Variants in AKTIP observed in about 807,000 individuals in gnomAD.
The protein encoded by AKTIP is AKT-interacting protein.
Under a neutral mutation model 39.1 loss-of-function variants are expected in AKTIP, and 16 were observed. The ratio of observed to expected loss-of-function variants is 0.41; its 90% CI spans 0.28 to 0.62. The LOEUF is 0.62. Ranked by LOEUF, AKTIP falls within the 20% of genes least tolerant of loss-of-function variation. The pLI, the probability that AKTIP is intolerant of heterozygous loss-of-function variation, is 0.32. For missense variants in AKTIP, 262 were observed against 356.6 expected, an observed-to-expected ratio of 0.73 and a Z score of 2.14; for synonymous variants, 93 against 124.3, an observed-to-expected ratio of 0.75 and a Z score of 1.67.
rs1427297777 is a variant in AKTIP at position 53,501,036 on chromosome 16, C to A, written c.-70-707G>T. The A allele has an allele frequency of 3.3e-5, 5 of 152,326 alleles. No individual in the cohort carries two copies. In the East Asian group the frequency reaches 9.7e-4, roughly 29 times the overall value. The allele number at this position is 152,326 out of a possible 1,614,324, so 9.4% of individuals were successfully genotyped here. A position where few individuals can be genotyped will look rare whatever the true frequency, so the allele number is the denominator to read the frequency against. On this transcript the variant is annotated intron_variant, in intron 1 of 9. Transcript: ENST00000394657. ...GTACCCACATACACATAAGTTGTAT[C>A]ACTGTTCCCAGGGTTATGGGAACAA... is the stretch of plus-strand genomic sequence containing the variant.
intron 8 of AKTIP, chr16:53,493,483 T>C (rs1961625374): frequency 6.5e-6 from 1 of 153,064 alleles, no homozygotes; most frequent in Admixed American, 6.5e-5. Flanking sequence ...ATTTTTGTAT[T>C]TTTAGTAGAG....
At chr16:53,497,095 C>T (rs918143763) in intron 3 of AKTIP, among the ~76,000 whole-genome samples, 1 of 152,102 alleles carries the variant, frequency 6.6e-6, no homozygotes, top group Non-Finnish European at 1.5e-5. Context: ...CTGTGCCTGG[C>T]TCAAGGATGC....
At position 53,494,134 on chromosome 16, in the gene AKTIP, T is replaced by G. The variant is rs1171961894; in HGVS notation, c.710+4A>C. The G allele has an allele frequency of 5.0e-6, 8 of 1,606,530 alleles. No individual in the cohort carries two copies. Among genetic ancestry groups the G allele is most frequent in the Non-Finnish European group, 6.8e-6 (8 of 1,173,156 alleles). On this transcript the variant is annotated splice_donor_region_variant and intron_variant, in intron 8 of 9. Transcript: ENST00000394657. ...ACAGTTCACTTGGGGGATGCACCAC[T>G]TACCTAATTGCATAGGGGTCTTCTA...
intron 8 of AKTIP, 87 bp from the exon 9 acceptor site, chr16:53,492,840 CTAACT>C: frequency 2.7e-6 from 3 of 1,119,790 alleles, no homozygotes; most frequent in East Asian, 2.4e-5. Flanking sequence ...GCCAATTCCC[CTAACT>C]TAATAAAGCA....
chr16:53,502,204 C>G (rs1041080819), intron 1 of AKTIP, among the ~76,000 whole-genome samples: 5 of 152,212 alleles, frequency 3.3e-5, no homozygotes, highest in Non-Finnish European at 5.9e-5. Flanking sequence ...TGCTATGGAT[C>G]TTTTAATCCA....
chr16:53,498,260 G>T, intron 3 of AKTIP, 131 bp downstream of exon 3: 1 of 923,020 alleles, frequency 1.1e-6, no homozygotes, highest in Non-Finnish European at 1.7e-6. Context: ...TATTAAGTCT[G>T]ATACTGGAAA....
intron 1 of AKTIP, among the ~76,000 whole-genome samples, chr16:53,502,393 C>G (rs1442983546): frequency 6.6e-6 from 1 of 152,166 alleles, no homozygotes; most frequent in Non-Finnish European, 1.5e-5. Flanking sequence ...GGCTGCATTC[C>G]TTTACATCAC....
chr16:53,494,983 C>G (rs1961739921), intron 5 of AKTIP, 90 bp downstream of exon 5: 1 of 1,166,254 alleles, frequency 8.6e-7, no homozygotes, highest in African/African-American at 1.5e-5. Flanking sequence ...CATAAAGGTA[C>G]CAGGTCAGGA....
At position 53,492,483 on chromosome 16, in the gene AKTIP, C is replaced by T. The variant is rs758363858; in HGVS notation, c.808G>A (p.Ala270Thr). Residue 270 changes from alanine to threonine, a missense_variant, in exon 10 of 10, where the codon GCT becomes ACT. By Grantham distance (58) the Ala-to-Thr change is moderately conservative (BLOSUM62 0). Transcript: ENST00000394657. ...EEQHNKSVHV[A>T]GLSWVKPGSV... ...CCAGGCTTTACCCATGACAGGCCAG[C>T]AACATGAACACTTTTATTGTGCTGT... 1 of 1,613,976 alleles carries T rather than the reference C, an allele frequency of 6.2e-7. No homozygotes were observed. Among genetic ancestry groups the T allele is most frequent in the Non-Finnish European group, 8.5e-7 (1 of 1,180,034 alleles).
At chr16:53,492,881 G>T in intron 8 of AKTIP, 128 bp from the exon 9 acceptor site, 1 of 744,792 alleles carries the variant, frequency 1.3e-6, no homozygotes. Flanking sequence ...TTGTCGACAT[G>T]TATGTTTTAG....
chr16:53,498,384 G>A lies in AKTIP; in HGVS notation c.248+7C>T. 1 of 1,613,434 alleles carries A rather than the reference G, an allele frequency of 6.2e-7. No homozygotes were observed. Among genetic ancestry groups the A allele is most frequent in the Non-Finnish European group, 8.5e-7 (1 of 1,179,404 alleles). ...TAATTTAACCAAATAGTTTGTTAAG[G>A]ACTTACAATTCTGCAAGAAGAGAGT... On this transcript the variant is annotated splice_region_variant and intron_variant, in intron 3 of 9. Transcript: ENST00000394657.
chr16:53,494,809 C>A, intron 5 of AKTIP: 1 of 700,780 alleles, frequency 1.4e-6, no homozygotes. Context: ...ACTCCCTCTC[C>A]TCCACTAGAG....
In AKTIP at chr16:53,494,385, A is replaced by C; in HGVS notation, c.556T>G (p.Tyr186Asp). ...AGGGGGCTTGCTGTATCAATCTTGT[A>C]GAAAACTCTCCTTGCATACATTAAT... ...QVLMYARRVF[Y>D]KIDTASPLNP... Residue 186 changes from tyrosine to aspartate, a missense_variant, in exon 7 of 10, where the codon TAC becomes GAC. Tyr to Asp is a radical substitution (Grantham distance 160). Transcript: ENST00000394657. The C allele has an allele frequency of 6.2e-7, 1 of 1,614,244 alleles. No individual in the cohort carries two copies. Among genetic ancestry groups the C allele is most frequent in the Non-Finnish European group, 8.5e-7 (1 of 1,180,048 alleles).
chr16:53,503,527 G>A (rs1331279907), upstream of AKTIP, among the ~76,000 whole-genome samples: 1 of 152,246 alleles, frequency 6.6e-6, no homozygotes, highest in Non-Finnish European at 1.5e-5. Context: ...CCCGGGGAGG[G>A]ATGGGGCAGA....
intron 3 of AKTIP, among the ~76,000 whole-genome samples, chr16:53,496,550 G>T (rs1961851083): frequency 6.7e-6 from 1 of 148,180 alleles, no homozygotes; most frequent in African/African-American, 2.5e-5. Flanking sequence ...GGTCTCATAG[G>T]CTGTCTGCGA....
intron 3 of AKTIP, among the ~76,000 whole-genome samples, chr16:53,496,499 C>CTTTTTTTTTT (rs576422100): frequency 1.3e-5 from 1 of 79,026 alleles, no homozygotes. Context: ...GTCAAGGATG[C>CTTTTTTTTTT]TTTTTTTTTT....
At position 53,495,091 on chromosome 16, in the gene AKTIP, A is replaced by G; in HGVS notation, c.396T>C (p.Tyr132=). The G allele has an allele frequency of 1.2e-6, 2 of 1,614,060 alleles. No individual in the cohort carries two copies. Among genetic ancestry groups the G allele is most frequent in the Non-Finnish European group, 1.7e-6 (2 of 1,179,856 alleles). ...FKFTVYIPDN[Y]PDGDCPRLVF... ...AACTTACTGGACAGTCACCATCTGG[A>G]TAGTTATCAGGGATGTAAACTGTAA... The change falls in exon 5 of 10, where the codon TAT becomes TAC. Residue 132 remains tyrosine (Y), a synonymous_variant. Transcript: ENST00000394657.
At chr16:53,494,311 T>A in intron 7 of AKTIP, 28 bp downstream of exon 7, 1 of 1,612,936 alleles carries the variant, frequency 6.2e-7, no homozygotes, top group African/African-American at 1.3e-5. Flanking sequence ...TCAAATTTAT[T>A]TTAAATAACA....
intron 3 of AKTIP, among the ~76,000 whole-genome samples, chr16:53,496,840 CAAAAAAAA>C (rs1351589060): frequency 2.7e-5 from 4 of 150,896 alleles, no homozygotes; most frequent in Admixed American, 2.6e-4. Flanking sequence ...GACTCCATCT[CAAAAAAAA>C]GAAAAAAAGA....
Sources: allele counts gnomAD v4.1 joint callset (sites outside exome capture counted in the v4.1 genomes callset), GRCh38; gene constraint gnomAD v4.1.1; transcripts MANE v1.5; gene names NCBI Gene and HGNC (gene_info 2026-07-23, HGNC 2026-07-21).